SORCS2: variants seen among roughly 807,000 people sequenced by gnomAD.
SORCS2 encodes sortilin related VPS10 domain containing receptor 2, also known as VPS10 domain-containing receptor SorCS2.
In SORCS2, 100 loss-of-function variants were observed where a neutral mutation model predicts 141.6. The ratio of observed to expected loss-of-function variants is 0.71; its 90% confidence interval spans 0.60 to 0.83. The LOEUF is 0.83. Ranked by LOEUF, SORCS2 falls within the 40% of genes least tolerant of loss-of-function variation. SORCS2 has a pLI of 0.00. For missense variants in SORCS2, 1,646 were observed against 1,560.2 expected, an observed-to-expected ratio of 1.05 and a Z score of -0.93; for synonymous variants, 789 against 676.9, an observed-to-expected ratio of 1.17 and a Z score of -2.57.
intron 2 of SORCS2, among the ~76,000 whole-genome samples, chr4:7,419,462 CA>C (rs1422796703): frequency 6.6e-6 from 1 of 152,168 alleles, no homozygotes; most frequent in Non-Finnish European, 1.5e-5. Context: ...GAGGTTATAG[CA>C]ATGGGCCTTG....
At position 7,740,445 on chromosome 4, in the gene SORCS2, A is replaced by C; in HGVS notation, c.*181A>C. ...GCCCGCCCAGGCCCACGGGGGGCCC[A>C]CGGGACCCCCCGGGACTCCCCGGAC... is the stretch of plus-strand genomic sequence containing the variant. On this transcript the variant is annotated 3_prime_UTR_variant, in exon 27 of 27. Coordinates refer to ENST00000507866, the MANE Select transcript of SORCS2 (RefSeq NM_020777.3). The C allele has an allele frequency of 1.7e-6, 1 of 605,260 alleles. No individual in the cohort carries two copies. Among genetic ancestry groups the C allele is most frequent in the Non-Finnish European group, 2.9e-6 (1 of 340,940 alleles). The allele number at this position is 605,260 out of a possible 1,614,324, so 37.5% of individuals were successfully genotyped here.
At chr4:7,597,338 G>T (rs1351607527) in intron 3 of SORCS2, among the ~76,000 whole-genome samples, 1 of 151,130 alleles carries the variant, frequency 6.6e-6, no homozygotes, top group African/African-American at 2.4e-5. Flanking sequence ...GTTGTAATAG[G>T]GAAGGGGACT....
At position 7,726,811 on chromosome 4, in the gene SORCS2, C is replaced by T. The variant is rs373844040; in HGVS notation, c.2777C>T (p.Thr926Met). Reference sequence around the variant, plus strand: ...CTTTCCCTGGATAATTCTGTGACAACGCGGTTTTCGGACACGGGCGACGTG... The same window carrying T: ...CTTTCCCTGGATAATTCTGTGACAATGCGGTTTTCGGACACGGGCGACGTG... ...PLLSLDNSVT[T>M]RFSDTGDVRV... Residue 926 changes from threonine (T) to methionine (M), a missense_variant, in exon 21 of 27, where the codon ACG (threonine) becomes ATG (methionine). Transcript: ENST00000507866. The T allele has an allele frequency of 7.4e-6, 12 of 1,613,814 alleles. No homozygotes were observed. The highest frequency in any genetic ancestry group is 4.0e-5 in the African/African-American group (3 of 75,030).
At chr4:7,672,657 T>C (rs893516926) in intron 8 of SORCS2, among the ~76,000 whole-genome samples, 1 of 152,184 alleles carries the variant, frequency 6.6e-6, no homozygotes, top group African/African-American at 2.4e-5. Context: ...ACAGTCTCAC[T>C]TCCTCACTCC....
chr4:7,333,766 T>C (rs28685850), intron 1 of SORCS2, among the ~76,000 whole-genome samples: 70,668 of 152,084 alleles, frequency 0.46, 16,581 homozygotes, highest in East Asian at 0.52. Flanking sequence ...GAGATACATT[T>C]AACATGAAGT....
rs192248749 is a variant in SORCS2, at chr4:7,292,182, C to T, written c.480+99056C>T. 3.3e-5 allele frequency among the ~76,000 whole-genome samples: 5 copies of T among 151,664 alleles called. No individual in the cohort carries two copies. The East Asian group carries it at 5.8e-4, about 18-fold the overall frequency. ...GTCCGTTCACCAAGGAGGCTCCCCC[C>T]ACCATTGACAGTCTGTTCACCAAGG... On this transcript the variant is annotated intron_variant, in intron 1 of 26. Coordinates refer to ENST00000507866, the MANE Select transcript of SORCS2 (RefSeq NM_020777.3).
At chr4:7,588,961 A>G (rs1243746231) in intron 3 of SORCS2, among the ~76,000 whole-genome samples, 1 of 152,182 alleles carries the variant, frequency 6.6e-6, no homozygotes. Flanking sequence ...ATTTGGGGCA[A>G]TTCAGAGAAA....
intron 2 of SORCS2, among the ~76,000 whole-genome samples, chr4:7,430,134 G>A (rs2109220691): frequency 6.6e-6 from 1 of 152,232 alleles, no homozygotes; most frequent in South Asian, 2.1e-4. Context: ...AGCGTGGACA[G>A]CATGGGCTGT....
chr4:7,295,650 T>C (rs1308183441), intron 1 of SORCS2, among the ~76,000 whole-genome samples: 3 of 152,216 alleles, frequency 2.0e-5, no homozygotes, highest in Non-Finnish European at 4.4e-5. Context: ...GCAGCCCTAC[T>C]GTAGGCACCC....
chr4:7,532,310 G>C (rs1035289655), intron 3 of SORCS2, among the ~76,000 whole-genome samples: 1 of 152,178 alleles, frequency 6.6e-6, no homozygotes, highest in Non-Finnish European at 1.5e-5. Flanking sequence ...AAGGGACTCA[G>C]ACCAGTGTTT....
chr4:7,298,883 C>T (rs144380496), intron 1 of SORCS2, among the ~76,000 whole-genome samples: 60 of 152,324 alleles, frequency 3.9e-4, no homozygotes, highest in African/African-American at 1.3e-3. Flanking sequence ...GGAATCAGCC[C>T]GCAAGCCCGC....
At chr4:7,307,784 A>AGT (rs1277915786) in intron 1 of SORCS2, among the ~76,000 whole-genome samples, 1 of 150,994 alleles carries the variant, frequency 6.6e-6, no homozygotes. Flanking sequence ...TTTGTGCATG[A>AGT]GTGTGTGTGT....
intron 1 of SORCS2, among the ~76,000 whole-genome samples, chr4:7,318,659 A>G (rs889707678): frequency 1.3e-5 from 2 of 152,220 alleles, no homozygotes; most frequent in African/African-American, 4.8e-5. Context: ...TGTCTCAATC[A>G]TCGCAGCTAC....
chr4:7,265,355 C>G (rs539380125), intron 1 of SORCS2, among the ~76,000 whole-genome samples: 26 of 152,236 alleles, frequency 1.7e-4, no homozygotes, highest in Admixed American at 3.9e-4. Context: ...GCTGGGCATG[C>G]TGGTGTGTGC....
At chr4:7,660,709 C>T (rs749208073) in intron 5 of SORCS2, among the ~76,000 whole-genome samples, 1 of 152,204 alleles carries the variant, frequency 6.6e-6, no homozygotes, top group South Asian at 2.1e-4. Context: ...CTAGTGGGGT[C>T]ACCTATGAAT....
At chr4:7,224,421 C>A (rs1179634910) in intron 1 of SORCS2, among the ~76,000 whole-genome samples, 1 of 152,226 alleles carries the variant, frequency 6.6e-6, no homozygotes, top group Non-Finnish European at 1.5e-5. Context: ...TGGGAAGCTG[C>A]AGCAGCAGGC....
At position 7,541,521 on chromosome 4, in the gene SORCS2, C is replaced by T. The variant is rs143414329; in HGVS notation, c.648+9892C>T. Among the ~76,000 whole-genome samples the T allele has an allele frequency of 9.8e-5, 15 of 152,322 alleles. No individual in the cohort carries two copies. The East Asian group carries it at 2.9e-3, about 29-fold the overall frequency. On this transcript the variant is annotated intron_variant, in intron 3 of 26. Coordinates refer to ENST00000507866, the MANE Select transcript of SORCS2 (RefSeq NM_020777.3). ...AGCCTCCTCAGGAGGGGCGATCACT[C>T]AGGAGCCCTGAGCCAGGCTTGCTTA...
chr4:7,688,832 C>T (rs534969819), intron 10 of SORCS2, among the ~76,000 whole-genome samples: 1 of 152,136 alleles, frequency 6.6e-6, no homozygotes, highest in African/African-American at 2.4e-5. Flanking sequence ...CCTCTGGGAC[C>T]CAGTATCTCA....
intron 1 of SORCS2, among the ~76,000 whole-genome samples, chr4:7,292,055 G>A (rs751223146): frequency 2.3e-4 from 35 of 152,320 alleles, no homozygotes; most frequent in Middle Eastern, 6.8e-3. Context: ...GGAGGGGACC[G>A]TCATGGGAAA....
Sources: gnomAD v4.1 joint callset for allele counts (sites outside exome capture counted in the v4.1 genomes callset) on GRCh38, gnomAD v4.1.1 for gene constraint, MANE v1.5 for transcripts, NCBI Gene and HGNC (gene_info 2026-07-23, HGNC 2026-07-21) for gene names.